The following ZNF496 variants were observed in gnomAD, a reference collection of about 807,000 sequenced individuals.
ZNF496 encodes the protein zinc finger protein 496, also known as NSD1 (nuclear receptor binding SET-domain containing 1)-interacting zinc finger protein 1.
Under a neutral mutation model 58.9 loss-of-function variants are expected in ZNF496, and 11 were observed. The ratio of observed to expected loss-of-function variants is 0.19; its 90% CI spans 0.12 to 0.31. The LOEUF (loss-of-function observed/expected upper bound fraction) is 0.31. ZNF496 is among the 10% of genes least tolerant of loss of function. The pLI is 1.00. For missense variants in ZNF496, 660 were observed against 783.0 expected (o/e 0.84, Z 1.88); for synonymous variants, 338 against 318.2 (o/e 1.06, Z -0.66).
chr1:247,308,659 G>T lies in ZNF496; in HGVS notation c.893-71C>A. The T allele has an allele frequency of 2.8e-6, 4 of 1,414,078 alleles. No individual in the cohort carries two copies. Among genetic ancestry groups the T allele is most frequent in the Non-Finnish European group, 4.0e-6 (4 of 1,004,344 alleles). 87.6% of individuals were successfully genotyped at this position (1,414,078 alleles called of 1,614,324 possible). A position where few individuals can be genotyped will look rare whatever the true frequency, so the allele number is the denominator to read the frequency against. ...AGCACTACCTGGGAGGGTGCTATCC[G>T]AATAGATGCCAGGCTACGATCTGGG... On this transcript the variant is annotated intron_variant, in intron 8 of 9. Coordinates refer to ENST00000682384, the MANE Select transcript of ZNF496 (RefSeq NM_032752.3). The surrounding 1 kb of genome is among the most constrained non-coding windows in gnomAD (Gnocchi z 4.5).
At chr1:247,310,195 G>C in intron 7 of ZNF496, 129 bp downstream of exon 7, 1 of 1,499,700 alleles carries the variant, frequency 6.7e-7, no homozygotes, top group Non-Finnish European at 8.9e-7. Context: ...CCAGGTTGGG[G>C]GTGAACAGAG....
intron 9 of ZNF496, 24 bp from the exon 10 acceptor site, chr1:247,301,300 C>A: frequency 6.6e-7 from 1 of 1,503,890 alleles, no homozygotes; most frequent in South Asian, 1.3e-5. Flanking sequence ...ACATGCAGGT[C>A]AGCGACGCTG....
In ZNF496 at chr1:247,302,483, T is replaced by TGC. The variant is rs1446184712; in HGVS notation, c.1007-1209_1007-1208dup. Reference sequence around the variant, plus strand: ...AAGACAGAGATTGTGTTTGTGTGTGTGCATGTGTTTTTAATTTTTTGTACA... The same window carrying TGC: ...AAGACAGAGATTGTGTTTGTGTGTGTGCGCATGTGTTTTTAATTTTTTGTACA... On this transcript the variant is annotated intron_variant, in intron 9 of 9. Transcript: ENST00000682384. 2.0e-5 allele frequency among the ~76,000 whole-genome samples: 3 copies of TGC among 151,416 alleles called. No individual in the cohort carries two copies. The East Asian group carries it at 5.8e-4, about 29-fold the overall frequency.
rs749960864 is a variant in ZNF496 at position 247,309,655 on chromosome 1, C to A, written c.892+44G>T. 6.2e-7 allele frequency: 1 copy of A among 1,609,450 alleles called. No homozygotes were observed. Among genetic ancestry groups the A allele is most frequent in the Non-Finnish European group, 8.5e-7 (1 of 1,177,404 alleles). On this transcript the variant is annotated intron_variant, in intron 8 of 9. Transcript: ENST00000682384. This position sits in a 1 kb window ranked among gnomAD's most constrained non-coding sequence, Gnocchi z 4.3. ...GGGCTCACCTCCGGCTGCCAGCAACCCTTCCCCCTACTCTGTCCACTCAGT... is the reference window on the plus strand; with the variant it reads ...GGGCTCACCTCCGGCTGCCAGCAACACTTCCCCCTACTCTGTCCACTCAGT...
intron 6 of ZNF496, chr1:247,313,930 G>A (rs1280136602): frequency 6.6e-6 from 1 of 152,238 alleles, no homozygotes. Context: ...GCGTCTAGGA[G>A]TTCCGAAGGT....
Position 247,329,091 on chromosome 1 carries a change from G to A in ZNF496, c.390+98C>T, listed in dbSNP as rs958156584. The A allele has an allele frequency of 2.7e-5, 43 of 1,572,304 alleles. No individual in the cohort carries two copies. The highest frequency in any genetic ancestry group is 9.5e-5 in the African/African-American group (7 of 73,466). On this transcript the variant is annotated intron_variant, in intron 4 of 9. Coordinates refer to ENST00000682384, the MANE Select transcript of ZNF496 (RefSeq NM_032752.3). This position sits in a 1 kb window ranked among gnomAD's most constrained non-coding sequence, Gnocchi z 5.5. ...GACCTAACCAAAGTAAATGGCTCTC[G>A]ATGGAACTCCTCATTCCCCAGCCAG...
intron 5 of ZNF496, 35 bp downstream of exon 5, chr1:247,328,648 A>G: frequency 6.6e-7 from 1 of 1,515,838 alleles, no homozygotes; most frequent in Non-Finnish European, 8.8e-7. Context: ...GCACTTCCCC[A>G]GATCACCCCT....
intron 5 of ZNF496, among the ~76,000 whole-genome samples, chr1:247,323,505 G>A (rs1232321803): frequency 6.6e-6 from 1 of 152,188 alleles, no homozygotes; most frequent in African/African-American, 2.4e-5. Context: ...AAGGGGGGCT[G>A]TAACAGAGTG....
chr1:247,309,565 A>G lies in ZNF496; in HGVS notation c.892+134T>C. 1 of 1,444,990 alleles carries G rather than the reference A, an allele frequency of 6.9e-7. No homozygotes were observed. Among genetic ancestry groups the G allele is most frequent in the East Asian group, 2.5e-5 (1 of 39,862 alleles). 89.5% of individuals were successfully genotyped at this position (1,444,990 alleles called of 1,614,324 possible). A position where few individuals can be genotyped will look rare whatever the true frequency, so the allele number is the denominator to read the frequency against. The stretch of plus-strand genomic sequence containing the variant: ...AGTCAGGGACAAGGCAAGACATGCA[A>G]GACCCACATAGAGTCTGGGGAAATG... On this transcript the variant is annotated intron_variant, in intron 8 of 9. Coordinates refer to ENST00000682384, the MANE Select transcript of ZNF496 (RefSeq NM_032752.3). This position sits in a 1 kb window ranked among gnomAD's most constrained non-coding sequence, Gnocchi z 4.3.
intron 5 of ZNF496, 69 bp from the exon 6 acceptor site, chr1:247,323,299 C>T (rs995361399): frequency 9.0e-7 from 1 of 1,113,338 alleles, no homozygotes; most frequent in Non-Finnish European, 1.3e-6. Flanking sequence ...ACCTTCTGAG[C>T]TTCCTGCGGC....
Position 247,300,756 on chromosome 1 carries a change from G to A in ZNF496, c.1527C>T (p.Pro509=). 1 of 1,609,652 alleles carries A rather than the reference G, an allele frequency of 6.2e-7. No homozygotes were observed. Among genetic ancestry groups the A allele is most frequent in the Non-Finnish European group, 8.5e-7 (1 of 1,176,650 alleles). ...QAASEDADKG[P]KEPLENGKAK... The stretch of plus-strand genomic sequence containing the variant: ...CCTTGCCGTTTTCCAGCGGCTCTTT[G>A]GGACCCTTGTCCGCGTCCTCGGATG... The change falls in exon 10 of 10, where the codon CCC becomes CCT. Residue 509 remains proline, a synonymous_variant. Transcript: ENST00000682384. This position sits in a 1 kb window ranked among gnomAD's most constrained non-coding sequence, Gnocchi z 5.7.
intron 6 of ZNF496, among the ~76,000 whole-genome samples, chr1:247,318,391 A>T (rs950141118): frequency 2.6e-5 from 4 of 152,232 alleles, no homozygotes; most frequent in Non-Finnish European, 5.9e-5. Context: ...AAGCTGAGCA[A>T]ACTCTAAACA....
chr1:247,313,844 AG>A, intron 6 of ZNF496: 1 of 152,332 alleles, frequency 6.6e-6, no homozygotes, highest in African/African-American at 2.4e-5. Context: ...TGTACTGAGA[AG>A]GAATTCTCTT....
chr1:247,328,792 C>T lies in ZNF496; in HGVS notation c.465G>A (p.Pro155=), dbSNP rs201695251. 108 of 1,613,760 alleles carry T rather than the reference C, an allele frequency of 6.7e-5. No individual in the cohort carries two copies. Among genetic ancestry groups the T allele is most frequent in the Middle Eastern group, 6.6e-4 (4 of 6,060 alleles). Residue 155 remains proline, a synonymous_variant, in exon 5 of 10, where the codon CCG becomes CCA. Coordinates refer to ENST00000682384, the MANE Select transcript of ZNF496 (RefSeq NM_032752.3). ...TTGCAAGGTCGCTGTGGGGCTCTAC[C>T]GGCAGCTGCTCCTGCTCCTGGTCCA... ...SPLDQEQEQL[P]VEPHSDLAKN...
intron 9 of ZNF496, among the ~76,000 whole-genome samples, chr1:247,304,551 T>C (rs1452633559): frequency 6.6e-6 from 1 of 152,084 alleles, no homozygotes; most frequent in Non-Finnish European, 1.5e-5. Context: ...TTTGTATTTT[T>C]AGTAGAGAGA....
intron 7 of ZNF496, 178 bp downstream of exon 7, chr1:247,310,146 C>T (rs1659546626): frequency 1.2e-5 from 18 of 1,441,734 alleles, no homozygotes; most frequent in Admixed American, 2.8e-5. Context: ...CAATCGGACA[C>T]ACTGCCTGTA....
intron 9 of ZNF496, among the ~76,000 whole-genome samples, chr1:247,302,951 C>A (rs1348307900): frequency 6.6e-6 from 1 of 152,172 alleles, no homozygotes; most frequent in African/African-American, 2.4e-5. Flanking sequence ...AGGTGGACCG[C>A]TAAGATCTCT....
Position 247,308,342 on chromosome 1 carries a change from A to G in ZNF496, c.1006+133T>C, listed in dbSNP as rs1200975998. On this transcript the variant is annotated intron_variant, in intron 9 of 9. Transcript: ENST00000682384. This position sits in a 1 kb window ranked among gnomAD's most constrained non-coding sequence, Gnocchi z 4.5. ...CACACTCACACATGCAGCACACCACATATACCACATGTGTATGCACGCACA... is the reference window on the plus strand; with the variant it reads ...CACACTCACACATGCAGCACACCACGTATACCACATGTGTATGCACGCACA... 1 of 815,774 alleles carries G rather than the reference A, an allele frequency of 1.2e-6. No individual in the cohort carries two copies. Among genetic ancestry groups the G allele is most frequent in the East Asian group, 2.5e-5 (1 of 39,934 alleles). 50.5% of individuals were successfully genotyped at this position (815,774 alleles called of 1,614,324 possible).
intron 9 of ZNF496, chr1:247,307,868 G>A (rs1659466432): frequency 1.0e-6 from 1 of 984,876 alleles, no homozygotes; most frequent in African/African-American, 1.8e-5. Context: ...TGGAAGTGGT[G>A]ACTTTTACCA....
Sources: allele counts gnomAD v4.1 joint callset (sites outside exome capture counted in the v4.1 genomes callset), GRCh38; gene constraint gnomAD v4.1.1; non-coding constraint Gnocchi (gnomAD v3.1); transcripts MANE v1.5; gene names NCBI Gene and HGNC (gene_info 2026-07-23, HGNC 2026-07-21).